Variants in UBR4 observed in about 807,000 individuals in gnomAD.
UBR4 encodes ubiquitin protein ligase E3 component n-recognin 4.
A neutral mutation model predicts 575.6 loss-of-function variants in UBR4; 124 were observed. That is an observed-to-expected ratio of 0.22 (90% CI 0.19 to 0.25). The LOEUF is 0.25. UBR4 is among the 10% of genes least tolerant of loss of function. The pLI, the probability that UBR4 is intolerant of heterozygous loss-of-function variation, is 1.00. For missense variants in UBR4, 4,818 were observed against 6,478.8 expected (o/e 0.74, Z 8.80); for synonymous variants, 2,455 against 2,473.7 (o/e 0.99, Z 0.22).
chr1:19,176,873 C>A, intron 19 of UBR4, 146 bp from the exon 20 acceptor site: 1 of 977,606 alleles, frequency 1.0e-6, no homozygotes, highest in Non-Finnish European at 1.4e-6. Flanking sequence ...TATTGGGCAC[C>A]ATTCAGCTTT....
chr1:19,137,624 C>T (rs186486443), intron 60 of UBR4, among the ~76,000 whole-genome samples: 45 of 152,254 alleles, frequency 3.0e-4, no homozygotes, highest in East Asian at 9.6e-4. Context: ...ACACCTAATA[C>T]GTATACCTAA....
At chr1:19,160,369 T>C in intron 38 of UBR4, 88 bp from the exon 39 acceptor site, 1 of 1,266,254 alleles carries the variant, frequency 7.9e-7, no homozygotes, top group Non-Finnish European at 1.1e-6. Flanking sequence ...TGCCAGTAAC[T>C]TCCTTCAGAA....
At chr1:19,200,604 A>G (rs977318509) in intron 2 of UBR4, among the ~76,000 whole-genome samples, 1 of 152,154 alleles carries the variant, frequency 6.6e-6, no homozygotes. Context: ...TACAAAAATT[A>G]GTCTCATAAC....
intron 99 of UBR4, among the ~76,000 whole-genome samples, chr1:19,087,050 A>C (rs55710223): frequency 0.017 from 2,573 of 152,366 alleles, 31 homozygotes; most frequent in Non-Finnish European, 0.026. Flanking sequence ...ACCAGCAAGA[A>C]GGGGATGCGG....
Position 19,186,628 on chromosome 1 carries a change from G to A in UBR4, c.1662C>T (p.Gly554=). ...KACVLQRQRK[G]SMSSDASAST... ...AGGCGCTGGCATCGCTGCTCATGGA[G>A]CCCTTCCTCTGCCGCTGCAGGACAC... The change falls in exon 14 of 106, where the codon GGC becomes GGT. Residue 554 remains glycine, a synonymous_variant. Coordinates refer to ENST00000375254, the MANE Select transcript of UBR4 (RefSeq NM_020765.3). 6 of 1,614,108 alleles carry A rather than the reference G, an allele frequency of 3.7e-6. No homozygotes were observed. Among genetic ancestry groups the A allele is most frequent in the Non-Finnish European group, 5.1e-6 (6 of 1,180,002 alleles).
intron 77 of UBR4, chr1:19,113,112 T>C: frequency 2.1e-6 from 1 of 482,866 alleles, no homozygotes; most frequent in Non-Finnish European, 3.6e-6. Flanking sequence ...AGGCTTATGC[T>C]CTTAACTCCC....
At chr1:19,102,237 C>T (rs565942345) in intron 87 of UBR4, among the ~76,000 whole-genome samples, 6 of 152,192 alleles carry the variant, frequency 3.9e-5, no homozygotes, top group East Asian at 1.9e-4. Context: ...TGGTGGCACA[C>T]GCCTATAGTC....
At chr1:19,161,757 C>T (rs745599604) in intron 36 of UBR4, 21 bp from the exon 37 acceptor site, 1 of 1,613,316 alleles carries the variant, frequency 6.2e-7, no homozygotes. Flanking sequence ...CAAGAACCAG[C>T]AAATAAGCTC....
Position 19,112,449 on chromosome 1 carries a change from C to G in UBR4, c.11801+75G>C, listed in dbSNP as rs535203303. The G allele has an allele frequency of 4.0e-6, 6 of 1,499,992 alleles. No individual in the cohort carries two copies. In the South Asian group the frequency reaches 7.9e-5, roughly 20 times the overall value. The allele number at this position is 1,499,992 out of a possible 1,614,324, so 92.9% of individuals were successfully genotyped here. ...GTGGTCAGAAGCACTATTCTGTGCACTCTCTAACGCTCCTGGCATGGCTGC... is the reference window on the plus strand; with the variant it reads ...GTGGTCAGAAGCACTATTCTGTGCAGTCTCTAACGCTCCTGGCATGGCTGC... On this transcript the variant is annotated intron_variant, in intron 78 of 105. Transcript: ENST00000375254.
rs773987207 is a variant in UBR4, at chr1:19,100,526, G to C, written c.13071C>G (p.Pro4357=). ...TEFFVTLEKD[P]QQEDFLQGRM... ...TGCCCTGTAAGAAGTCTTCTTGTTG[G>C]GGATCCTTCTCCAGGGTCACAAAGA... The change falls in exon 89 of 106, where the codon CCC becomes CCG. Residue 4357 remains proline (P), a synonymous_variant. Transcript: ENST00000375254. This position sits in a 1 kb window ranked among gnomAD's most constrained non-coding sequence, Gnocchi z 4.2. The C allele has an allele frequency of 9.9e-6, 16 of 1,614,022 alleles. No homozygotes were observed. The highest frequency in any genetic ancestry group is 1.4e-5 in the Non-Finnish European group (16 of 1,180,002).
At chr1:19,185,354 C>T (rs1380213382) in intron 14 of UBR4, 68 bp from the exon 15 acceptor site, 2 of 1,434,912 alleles carry the variant, frequency 1.4e-6, no homozygotes, top group South Asian at 1.5e-5. Flanking sequence ...CATCTGCTTC[C>T]TAAAAGTACT....
chr1:19,105,693 CA>C (rs1321187940), intron 84 of UBR4, 39 bp downstream of exon 84: 2 of 1,465,042 alleles, frequency 1.4e-6, no homozygotes, highest in Non-Finnish European at 9.2e-7. Context: ...GGCTCTAGAG[CA>C]AGTCTAACCA....
At chr1:19,155,409 G>A (rs200932391) in intron 43 of UBR4, 32 bp downstream of exon 43, 1 of 1,585,612 alleles carries the variant, frequency 6.3e-7, no homozygotes, top group African/African-American at 1.4e-5. Context: ...ATTAAATCCG[G>A]AATAGAAGGA....
intron 88 of UBR4, 125 bp downstream of exon 88, chr1:19,101,395 C>T (rs1570469552): frequency 7.6e-7 from 1 of 1,309,184 alleles, no homozygotes; most frequent in Non-Finnish European, 9.9e-7. Flanking sequence ...GATCTTCTTT[C>T]ACTAATGACT....
Position 19,119,632 on chromosome 1 carries a change from G to A in UBR4, c.10380C>T (p.Ala3460=). 1 of 1,614,108 alleles carries A rather than the reference G, an allele frequency of 6.2e-7. No homozygotes were observed. The highest frequency in any genetic ancestry group is 8.5e-7 in the Non-Finnish European group (1 of 1,179,964). The change falls in exon 70 of 106, where the codon GCC becomes GCT. Residue 3460 remains alanine (A), a synonymous_variant. Transcript: ENST00000375254. ...CAAACTGGGCAGCCTTACGACCATA[G>A]GCTGGGAGTTCTGGCCAGATGGACC... ...LMWSIWPELP[A]YGRKAAQFVD...
intron 49 of UBR4, among the ~76,000 whole-genome samples, chr1:19,150,113 T>C (rs1004031695): frequency 6.6e-6 from 1 of 152,166 alleles, no homozygotes; most frequent in Non-Finnish European, 1.5e-5. Context: ...TTAAGGAAAC[T>C]CTAGACTCTG....
intron 84 of UBR4, 146 bp from the exon 85 acceptor site, chr1:19,105,335 C>T (rs1402511006): frequency 3.6e-5 from 35 of 978,192 alleles, no homozygotes; most frequent in Non-Finnish European, 5.0e-5. Context: ...GCATCCAAGA[C>T]AGCTCCAATT....
In UBR4 at chr1:19,145,909, G is replaced by A. The variant is rs544278811; in HGVS notation, c.7829C>T (p.Pro2610Leu). The A allele has an allele frequency of 6.2e-6, 10 of 1,614,062 alleles. No homozygotes were observed. Among genetic ancestry groups the A allele is most frequent in the South Asian group, 3.3e-5 (3 of 91,076 alleles). ...ETEGMDEGKE[P>L]QKQLEGDCCS... The stretch of plus-strand genomic sequence containing the variant: ...GCAATCTCCTTCCAACTGCTTCTGC[G>A]GTTCCTTCCCTTCATCCATTCCTTC... Residue 2610 changes from proline (P) to leucine (L), a missense_variant, in exon 53 of 106, where the codon CCG becomes CTG. Transcript: ENST00000375254.
Position 19,119,678 on chromosome 1 carries a change from T to A in UBR4, c.10334A>T (p.Glu3445Val). The A allele has an allele frequency of 6.2e-7, 1 of 1,612,016 alleles. No individual in the cohort carries two copies. Among genetic ancestry groups the A allele is most frequent in the Non-Finnish European group, 8.5e-7 (1 of 1,178,254 alleles). The change falls in exon 70 of 106, where the codon GAG becomes GTG. Residue 3445 changes from glutamate (E) to valine (V), a missense_variant. Glu to Val is a moderately radical substitution (Grantham distance 121). Transcript: ENST00000375254. ...GGACCACATCAGATCTAGCAGGAGC[T>A]CCTGTTGAGATTTGCTGGAATTTCT... ...IYRNSSKSQQ[E>V]LLLDLMWSIW...
Sources: allele counts gnomAD v4.1 joint callset (sites outside exome capture counted in the v4.1 genomes callset), GRCh38; gene constraint gnomAD v4.1.1; non-coding constraint Gnocchi (gnomAD v3.1); transcripts MANE v1.5; gene names NCBI Gene and HGNC (gene_info 2026-07-23, HGNC 2026-07-21).